The following SPAG9 variants were observed in gnomAD, a reference collection of about 807,000 sequenced individuals.
SPAG9 encodes C-Jun-amino-terminal kinase-interacting protein 4.
Under a neutral mutation model 166.5 loss-of-function variants are expected in SPAG9, and 35 were observed. That is an observed-to-expected ratio of 0.21 (90% CI 0.16 to 0.28). The LOEUF is 0.28. Among genes scored for constraint, SPAG9 ranks in the 10% least tolerant of loss-of-function variants. The pLI, the probability that SPAG9 is intolerant of heterozygous loss-of-function variation, is 1.00. For missense variants in SPAG9, 1,235 were observed against 1,603.3 expected, an observed-to-expected ratio of 0.77 and a Z score of 3.92; for synonymous variants, 534 against 565.5, an observed-to-expected ratio of 0.94 and a Z score of 0.79.
intron 7 of SPAG9, among the ~76,000 whole-genome samples, 180 bp downstream of exon 7, chr17:51,020,978 A>AT (rs1001130936): frequency 1.5e-4 from 22 of 151,142 alleles, no homozygotes; most frequent in South Asian, 4.2e-4. Flanking sequence ...CACAGCTATC[A>AT]TTTTTTTTTC....
intron 6 of SPAG9, chr17:51,030,950 T>C (rs531928618): frequency 6.8e-6 from 1 of 146,030 alleles, no homozygotes; most frequent in African/African-American, 2.6e-5. Flanking sequence ...AGTCTCGCTG[T>C]GTTGCCCAGG....
At chr17:51,070,090 A>G (rs996260843) in intron 2 of SPAG9, among the ~76,000 whole-genome samples, 13 of 151,918 alleles carry the variant, frequency 8.6e-5, no homozygotes, top group Non-Finnish European at 1.5e-5. Flanking sequence ...AAAACAAAAA[A>G]AAAACCTGTA....
At chr17:51,082,760 T>C (rs2048200861) in intron 1 of SPAG9, among the ~76,000 whole-genome samples, 1 of 152,244 alleles carries the variant, frequency 6.6e-6, no homozygotes, top group South Asian at 2.1e-4. Flanking sequence ...GTCTATTACC[T>C]ATATTAACTG....
At chr17:51,089,995 A>T (rs946752301) in intron 1 of SPAG9, among the ~76,000 whole-genome samples, 2 of 151,752 alleles carry the variant, frequency 1.3e-5, no homozygotes, top group South Asian at 4.2e-4. Flanking sequence ...TATTTTTTTA[A>T]AAAAGAGAGA....
At position 51,041,542 on chromosome 17, in the gene SPAG9, A is replaced by G; in HGVS notation, c.700T>C (p.Phe234Leu). Residue 234 changes from phenylalanine to leucine, a missense_variant, in exon 5 of 30, where the codon TTT (phenylalanine) becomes CTT (leucine). Around this residue, in one of 6 missense-constraint regions of SPAG9, gnomAD observed 288 missense variants for 323.7 expected, o/e 0.89. Coordinates refer to ENST00000262013, the MANE Select transcript of SPAG9 (RefSeq NM_001130528.3). ...GETPGSEQWK[F>L]QELSQPRSHT... Reference sequence around the variant, plus strand: ...GAACGTGGTTGACTTAATTCCTGAAATTTCCATTGCTCAGATCCAGGGGTC... The same window carrying G: ...GAACGTGGTTGACTTAATTCCTGAAGTTTCCATTGCTCAGATCCAGGGGTC... 1 of 1,613,974 alleles carries G rather than the reference A, an allele frequency of 6.2e-7. No homozygotes were observed. Among genetic ancestry groups the G allele is most frequent in the Non-Finnish European group, 8.5e-7 (1 of 1,179,882 alleles).
At position 50,993,315 on chromosome 17, in the gene SPAG9, CAA is replaced by C. The variant is rs71149333; in HGVS notation, c.2398+447_2398+448del. Among the ~76,000 whole-genome samples, 750 of 79,842 alleles carry C rather than the reference CAA, an allele frequency of 9.4e-3. 2 individuals carry two copies. The highest frequency in any genetic ancestry group is 0.032 in the African/African-American group (665 of 20,700). 52.4% of individuals were successfully genotyped at this position (79,842 alleles called of 152,430 possible). A position where few individuals can be genotyped will look rare whatever the true frequency, so the allele number is the denominator to read the frequency against. Reference sequence around the variant, plus strand: ...TGGGTGACAGAGTAAGACTCTGTCTCAAAAAAAAAAAAAAAAAAAAAGTAGAA... The same window carrying C: ...TGGGTGACAGAGTAAGACTCTGTCTCAAAAAAAAAAAAAAAAAAAGTAGAA... On this transcript the variant is annotated intron_variant, in intron 19 of 29. Coordinates refer to ENST00000262013, the MANE Select transcript of SPAG9 (RefSeq NM_001130528.3).
intron 27 of SPAG9, chr17:50,975,148 G>A: frequency 2.0e-6 from 1 of 502,696 alleles, no homozygotes; most frequent in South Asian, 3.0e-5. Flanking sequence ...TCAGTAAATG[G>A]AGTAGGGGAT....
chr17:51,020,370 T>C, intron 7 of SPAG9, 112 bp from the exon 8 acceptor site: 1 of 655,662 alleles, frequency 1.5e-6, no homozygotes, highest in Non-Finnish European at 2.6e-6. Flanking sequence ...TTTTTTAAAA[T>C]GTGCAAGACT....
At chr17:51,016,978 T>A (rs1156702526) in intron 8 of SPAG9, among the ~76,000 whole-genome samples, 3 of 152,260 alleles carry the variant, frequency 2.0e-5, no homozygotes, top group Non-Finnish European at 4.4e-5. Context: ...TACAGATTAA[T>A]TTTATATAGT....
At chr17:50,999,400 G>A (rs1597953956) in intron 14 of SPAG9, 6 of 1,159,264 alleles carry the variant, frequency 5.2e-6, no homozygotes, top group Non-Finnish European at 5.9e-6. Flanking sequence ...AAATTTGGCA[G>A]AGGATTGCAA....
At chr17:51,021,762 A>C (rs2045945494) in intron 6 of SPAG9, among the ~76,000 whole-genome samples, 1 of 152,168 alleles carries the variant, frequency 6.6e-6, no homozygotes, top group African/African-American at 2.4e-5. Context: ...AGAATAACCA[A>C]ATTCTTAACC....
Position 50,964,744 on chromosome 17 carries a change from T to C in SPAG9, c.*1528A>G, listed in dbSNP as rs76994934. Reference sequence around the variant, plus strand: ...AAAATCAGTGAAATCCAGACTTTAATCTATTTTTTGCTTGTTTGTCTGTTT... The same window carrying C: ...AAAATCAGTGAAATCCAGACTTTAACCTATTTTTTGCTTGTTTGTCTGTTT... On this transcript the variant is annotated 3_prime_UTR_variant, in exon 30 of 30. Coordinates refer to ENST00000262013, the MANE Select transcript of SPAG9 (RefSeq NM_001130528.3). The C allele has an allele frequency of 1.4e-3, 632 of 453,182 alleles. 2 individuals carry two copies. In the East Asian group the frequency reaches 0.022, roughly 16 times the overall value. The allele number at this position is 453,182 out of a possible 1,614,324, so 28.1% of individuals were successfully genotyped here.
intron 16 of SPAG9, chr17:50,995,861 T>C: frequency 4.4e-6 from 1 of 229,514 alleles, no homozygotes; most frequent in South Asian, 7.6e-5. Flanking sequence ...GATGAGGTCA[T>C]GCTATGTTGC....
intron 28 of SPAG9, among the ~76,000 whole-genome samples, chr17:50,973,594 G>C (rs542366056): frequency 1.3e-5 from 2 of 152,276 alleles, no homozygotes; most frequent in East Asian, 1.9e-4. Flanking sequence ...AGTATGATGA[G>C]TAATTTGACG....
intron 1 of SPAG9, among the ~76,000 whole-genome samples, chr17:51,117,940 C>T (rs1367160700): frequency 1.3e-5 from 2 of 151,532 alleles, no homozygotes; most frequent in Non-Finnish European, 2.9e-5. Context: ...TCAAGACCAG[C>T]CTGGGCAACA....
At chr17:50,989,627 T>C in intron 21 of SPAG9, 50 bp downstream of exon 21, 2 of 1,473,722 alleles carry the variant, frequency 1.4e-6, no homozygotes, top group South Asian at 2.3e-5. Flanking sequence ...TTGGTTCCTT[T>C]TATTTGTGCA....
At chr17:51,100,534 T>C (rs1027043020) in intron 1 of SPAG9, among the ~76,000 whole-genome samples, 1 of 152,204 alleles carries the variant, frequency 6.6e-6, no homozygotes, top group Admixed American at 6.5e-5. Flanking sequence ...CTTGGGAGGC[T>C]GAGGTGGAAG....
At chr17:50,989,540 T>C in intron 21 of SPAG9, 137 bp downstream of exon 21, 1 of 763,040 alleles carries the variant, frequency 1.3e-6, no homozygotes, top group Non-Finnish European at 2.3e-6. Flanking sequence ...TACATGAAAT[T>C]ATCACAAGAA....
chr17:50,984,795 ATGT>A (rs1474722809), intron 24 of SPAG9, 125 bp downstream of exon 24: 8 of 757,720 alleles, frequency 1.1e-5, no homozygotes, highest in Non-Finnish European at 4.6e-6. Context: ...ATATTTACTG[ATGT>A]TGTGTATTGT....
Sources: allele counts gnomAD v4.1 joint callset (sites outside exome capture counted in the v4.1 genomes callset), GRCh38; gene constraint gnomAD v4.1.1; regional missense constraint gnomAD v4.1.1; transcripts MANE v1.5; gene names NCBI Gene and HGNC (gene_info 2026-07-23, HGNC 2026-07-21).